The following MRPL28 variants were observed in gnomAD, a reference collection of about 807,000 sequenced individuals.
The protein encoded by MRPL28 is mitochondrial ribosomal protein L28, also known as large ribosomal subunit protein bL28m.
In MRPL28, 25 loss-of-function variants were observed where a neutral mutation model predicts 26.2. The observed-to-expected ratio is 0.95, with a 90% CI of 0.69 to 1.33. The LOEUF (loss-of-function observed/expected upper bound fraction) is 1.33, where lower values mean the gene tolerates loss of function less well. Ranked by LOEUF, MRPL28 falls within the 40% of genes most tolerant of loss-of-function variation. The pLI, the probability that MRPL28 is intolerant of heterozygous loss-of-function variation, is 0.00. For missense variants in MRPL28, 432 were observed against 327.2 expected (o/e 1.32, Z -2.47); for synonymous variants, 227 against 140.1 (o/e 1.62, Z -4.38).
rs766466872 is a variant in MRPL28 at position 370,239 on chromosome 16, G to A, written c.-7-14C>T. 5 of 1,537,362 alleles carry A rather than the reference G, an allele frequency of 3.3e-6. No individual in the cohort carries two copies. Among genetic ancestry groups the A allele is most frequent in the Non-Finnish European group, 3.5e-6 (4 of 1,145,788 alleles). Reference sequence around the variant, plus strand: ...GGCATCGCGAGCCTGGCGGGAGGTGGGGGCTCGCAGTCAGTCGCAGCCTGG... The same window carrying A: ...GGCATCGCGAGCCTGGCGGGAGGTGAGGGCTCGCAGTCAGTCGCAGCCTGG... On this transcript the variant is annotated splice_polypyrimidine_tract_variant and intron_variant, in intron 1 of 5. Coordinates refer to ENST00000199706, the MANE Select transcript of MRPL28 (RefSeq NM_006428.5).
chr16:368,188 G>A (rs2054278133), intron 5 of MRPL28, 140 bp downstream of exon 5: 2 of 983,194 alleles, frequency 2.0e-6, no homozygotes, highest in East Asian at 4.9e-5. Context: ...CCTCTGGGTG[G>A]GCAATGCAGA....
In MRPL28 at chr16:370,005, G is replaced by A. The variant is rs538492413; in HGVS notation, c.214C>T (p.Pro72Ser). 1.4e-5 allele frequency: 22 copies of A among 1,613,176 alleles called. No individual in the cohort carries two copies. In the South Asian group the frequency reaches 1.4e-4, roughly 10 times the overall value. ...VEDVPIPIYF[P>S]PESQRGLWGG... Reference sequence around the variant, plus strand: ...CACAACCCCCGCTGGGATTCGGGGGGAAAGTAGATGGGAATGGGCACGTCC... The same window carrying A: ...CACAACCCCCGCTGGGATTCGGGGGAAAAGTAGATGGGAATGGGCACGTCC... The change falls in exon 2 of 6, where the codon CCC (proline) becomes TCC (serine). Residue 72 changes from proline to serine, a missense_variant. Coordinates refer to ENST00000199706, the MANE Select transcript of MRPL28 (RefSeq NM_006428.5).
Position 369,300 on chromosome 16 carries a change from T to G in MRPL28, c.289-80A>C, listed in dbSNP as rs2054294055. 67 of 1,520,896 alleles carry G rather than the reference T, an allele frequency of 4.4e-5. 1 individual carries two copies. In the South Asian group the frequency reaches 7.5e-4, roughly 17 times the overall value. The allele number at this position is 1,520,896 out of a possible 1,614,324, so 94.2% of individuals were successfully genotyped here. On this transcript the variant is annotated intron_variant, in intron 2 of 5. Transcript: ENST00000199706. ...GGGGGCCCAGGCAACTGCCCTCACC[T>G]CCCCCCCGGAGGCTCCATCACAGAA...
chr16:368,478 G>C (rs762606846), intron 4 of MRPL28, 23 bp downstream of exon 4: 4 of 1,611,856 alleles, frequency 2.5e-6, no homozygotes, highest in Non-Finnish European at 3.4e-6. Flanking sequence ...CCCAGGTGTA[G>C]GGAGCGGGAC....
Position 369,844 on chromosome 16 carries a change from G to A in MRPL28, c.288+87C>T. ...GGCTGTAATCCCCAGGGCCCACCCA[G>A]GTCTCTCCAGGTACCCCGGGCGTCC... On this transcript the variant is annotated intron_variant, in intron 2 of 5. Coordinates refer to ENST00000199706, the MANE Select transcript of MRPL28 (RefSeq NM_006428.5). 3.3e-6 allele frequency: 5 copies of A among 1,498,418 alleles called. No homozygotes were observed. In the East Asian group the frequency reaches 6.8e-5, roughly 20 times the overall value. 92.8% of individuals were successfully genotyped at this position (1,498,418 alleles called of 1,614,324 possible).
intron 4 of MRPL28, 30 bp downstream of exon 4, chr16:368,471 A>T (rs771243164): frequency 6.2e-7 from 1 of 1,611,974 alleles, no homozygotes; most frequent in East Asian, 2.2e-5. Context: ...ACGAGTCCCC[A>T]GGTGTAGGGA....
Position 368,352 on chromosome 16 carries a change from C to T in MRPL28, c.639G>A (p.Glu213=). ...WVGLTLEEAI[E]KQRLLEEKDP... The stretch of plus-strand genomic sequence containing the variant: ...CCTTCTCCTCCAAAAGTCTCTGCTT[C>T]TCAATGGCCTCCTCCAGCGTGAGGC... The change falls in exon 5 of 6, where the codon GAG becomes GAA. Residue 213 remains glutamate, a synonymous_variant. Coordinates refer to ENST00000199706, the MANE Select transcript of MRPL28 (RefSeq NM_006428.5). 1 of 1,613,762 alleles carries T rather than the reference C, an allele frequency of 6.2e-7. No homozygotes were observed. Among genetic ancestry groups the T allele is most frequent in the Non-Finnish European group, 8.5e-7 (1 of 1,180,006 alleles).
At chr16:369,350 A>G in intron 2 of MRPL28, 130 bp from the exon 3 acceptor site, 3 of 1,239,536 alleles carry the variant, frequency 2.4e-6, no homozygotes, top group Non-Finnish European at 3.4e-6. Flanking sequence ...CTGGGGACCT[A>G]GAGCTAACTG....
At chr16:369,397 C>A (rs940586858) in intron 2 of MRPL28, 177 bp from the exon 3 acceptor site, 1 of 741,404 alleles carries the variant, frequency 1.3e-6, no homozygotes, top group South Asian at 1.8e-5. Flanking sequence ...CAGCCCGACC[C>A]GGGTCCTGAC....
chr16:369,343 G>T, intron 2 of MRPL28, 123 bp from the exon 3 acceptor site: 14 of 1,296,000 alleles, frequency 1.1e-5, no homozygotes, highest in Non-Finnish European at 1.5e-5. Flanking sequence ...TGTCAGACTG[G>T]GGACCTAGAG....
rs1164943713 is a variant in MRPL28 at position 367,384 on chromosome 16, T to G, written c.*291A>C. On this transcript the variant is annotated 3_prime_UTR_variant, in exon 6 of 6. Transcript: ENST00000199706. ...AGAACACCAGTCCTCAAAGCAAAGA[T>G]ACACACACACAGCCTGGCCCAGACT... 4 of 683,150 alleles carry G rather than the reference T, an allele frequency of 5.9e-6. No individual in the cohort carries two copies. The highest frequency in any genetic ancestry group is 1.1e-5 in the Non-Finnish European group (4 of 364,020). 42.3% of individuals were successfully genotyped at this position (683,150 alleles called of 1,614,324 possible).
chr16:368,439 C>T, intron 4 of MRPL28, 25 bp from the exon 5 acceptor site: 1 of 1,613,284 alleles, frequency 6.2e-7, no homozygotes, highest in Admixed American at 1.7e-5. Context: ...ATGGAAAGGG[C>T]AGTGAGGCCC....
At chr16:369,794 CT>C in intron 2 of MRPL28, 136 bp downstream of exon 2, 2 of 1,149,256 alleles carry the variant, frequency 1.7e-6, no homozygotes, top group East Asian at 5.1e-5. Flanking sequence ...CAGCGTGCTC[CT>C]TTGCCGGAGA....
chr16:369,403 C>T (rs1180580786), intron 2 of MRPL28, 183 bp from the exon 3 acceptor site: 5 of 713,876 alleles, frequency 7.0e-6, no homozygotes, highest in Non-Finnish European at 1.2e-5. Context: ...GACCCGGGTC[C>T]TGACTGTGTA....
chr16:370,035 C>T lies in MRPL28; in HGVS notation c.184G>A (p.Val62Met), dbSNP rs764172986. Reference protein sequence around the residue: ...INPKNGQRERVEDVPIPIYFP... With the variant: ...INPKNGQRERMEDVPIPIYFP... ...TAGATGGGAATGGGCACGTCCTCCA[C>T]ACGCTCCCGCTGCCCGTTCTTGGGG... Residue 62 changes from valine to methionine, a missense_variant, in exon 2 of 6, where the codon GTG becomes ATG. Val to Met is a conservative substitution (Grantham distance 21, BLOSUM62 1). Transcript: ENST00000199706. The T allele has an allele frequency of 1.2e-6, 2 of 1,613,136 alleles. No individual in the cohort carries two copies. Among genetic ancestry groups the T allele is most frequent in the African/African-American group, 1.3e-5 (1 of 74,876 alleles).
intron 1 of MRPL28, 49 bp from the exon 2 acceptor site, chr16:370,274 C>T (rs1398764483): frequency 6.8e-7 from 1 of 1,473,458 alleles, no homozygotes; most frequent in Non-Finnish European, 9.0e-7. Flanking sequence ...GCCAGGCCCC[C>T]GGCACTCACC....
rs765342760 is a variant in MRPL28, at chr16:370,029, C to T, written c.190G>A (p.Asp64Asn). 6.3e-5 allele frequency: 102 copies of T among 1,613,152 alleles called. No individual in the cohort carries two copies. Among genetic ancestry groups the T allele is most frequent in the Non-Finnish European group, 8.6e-5 (101 of 1,179,864 alleles). ...GGAAAGTAGATGGGAATGGGCACGT[C>T]CTCCACACGCTCCCGCTGCCCGTTC... ...PKNGQRERVE[D>N]VPIPIYFPPE... The change falls in exon 2 of 6, where the codon GAC becomes AAC. Residue 64 changes from aspartate to asparagine, a missense_variant. Asp to Asn is a conservative substitution (Grantham distance 23). Coordinates refer to ENST00000199706, the MANE Select transcript of MRPL28 (RefSeq NM_006428.5).
At chr16:368,758 G>A in intron 3 of MRPL28, 123 bp from the exon 4 acceptor site, 2 of 1,434,976 alleles carry the variant, frequency 1.4e-6, no homozygotes, top group South Asian at 1.4e-5. Context: ...AGGCCCGGGT[G>A]GGGCCGCCTC....
chr16:368,229 C>T (rs960888501), intron 5 of MRPL28, 99 bp downstream of exon 5: 13 of 1,395,416 alleles, frequency 9.3e-6, no homozygotes, highest in South Asian at 1.2e-5. Flanking sequence ...CCACCCAGTG[C>T]ACCAGCCCCT....
Sources: allele counts gnomAD v4.1 joint callset, GRCh38; gene constraint gnomAD v4.1.1; transcripts MANE v1.5; gene names NCBI Gene and HGNC (gene_info 2026-07-23, HGNC 2026-07-21).